Variants in BUB1B observed in about 807,000 individuals in gnomAD.
The protein encoded by BUB1B is BUB1 mitotic checkpoint serine/threonine kinase B, also known as mitotic checkpoint serine/threonine-protein kinase BUB1 beta.
Under a neutral mutation model 137.7 loss-of-function variants are expected in BUB1B, and 86 were observed. That is an observed-to-expected ratio of 0.62 (90% confidence interval 0.52 to 0.75). BUB1B has a LOEUF of 0.75. BUB1B is among the 30% of genes least tolerant of loss of function. The pLI is 0.00. For missense variants in BUB1B, 1,130 were observed against 1,236.9 expected (o/e 0.91, Z 1.30); for synonymous variants, 420 against 417.9 (o/e 1.00, Z -0.06).
intron 8 of BUB1B, among the ~76,000 whole-genome samples, chr15:40,191,925 G>A (rs537937083): frequency 8.0e-4 from 122 of 152,130 alleles, no homozygotes; most frequent in African/African-American, 2.9e-3. Context: ...AATTGAGAAG[G>A]ATGAATCCAA....
rs1416925362 is a variant in BUB1B at position 40,209,405 on chromosome 15, C to G, written c.2144-230C>G. ...CGCCACTGCACTCCAGCCTGGGCAA[C>G]AGAGCGAGACTCCGTCTCAAAGAAG... On this transcript the variant is annotated intron_variant, in intron 16 of 22. Coordinates refer to ENST00000287598, the MANE Select transcript of BUB1B (RefSeq NM_001211.6). 1.3e-5 allele frequency among the ~76,000 whole-genome samples: 2 copies of G among 152,246 alleles called. 1 individual carries two copies. Among genetic ancestry groups the G allele is most frequent in the South Asian group, 4.1e-4 (2 of 4,834 alleles).
chr15:40,161,191 C>T lies in BUB1B; in HGVS notation c.-30C>T. Reference sequence around the variant, plus strand: ...TGTGGCCCAGAGGAAAGGCCTGCAGCAGGACGAGGACCTGAGCCAGGAATG... The same window carrying T: ...TGTGGCCCAGAGGAAAGGCCTGCAGTAGGACGAGGACCTGAGCCAGGAATG... On this transcript the variant is annotated 5_prime_UTR_variant, in exon 1 of 23. Transcript: ENST00000287598. 1 of 1,611,866 alleles carries T rather than the reference C, an allele frequency of 6.2e-7. No homozygotes were observed. Among genetic ancestry groups the T allele is most frequent in the Non-Finnish European group, 8.5e-7 (1 of 1,178,944 alleles).
chr15:40,178,806 T>C (rs1221563203), intron 5 of BUB1B, among the ~76,000 whole-genome samples: 1 of 152,122 alleles, frequency 6.6e-6, no homozygotes, highest in Non-Finnish European at 1.5e-5. Context: ...ATACTCCTTA[T>C]TCAGAAGTCT....
chr15:40,213,286 C>T (rs775194264), intron 19 of BUB1B, 46 bp from the exon 20 acceptor site: 1 of 1,606,936 alleles, frequency 6.2e-7, no homozygotes, highest in Non-Finnish European at 8.5e-7. Context: ...TAACTACGAT[C>T]TGCCAAACTT....
intron 9 of BUB1B, among the ~76,000 whole-genome samples, chr15:40,199,386 A>G (rs1191859611): frequency 6.6e-6 from 1 of 152,240 alleles, no homozygotes; most frequent in Non-Finnish European, 1.5e-5. Context: ...GTAGGTATTC[A>G]ATGTTTTTTT....
intron 1 of BUB1B, 113 bp downstream of exon 1, chr15:40,161,368 C>G: frequency 8.2e-7 from 1 of 1,226,132 alleles, no homozygotes; most frequent in Non-Finnish European, 1.1e-6. Context: ...TCAGAACAGA[C>G]CCCACCGGAG....
Position 40,218,503 on chromosome 15 carries a change from G to C in BUB1B, c.2898G>C (p.Lys966Asn). 6.2e-7 allele frequency: 1 copy of C among 1,614,086 alleles called. No homozygotes were observed. Among genetic ancestry groups the C allele is most frequent in the East Asian group, 2.2e-5 (1 of 44,868 alleles). Residue 966 changes from lysine to asparagine, a missense_variant, in exon 22 of 23, where the codon AAG (lysine) becomes AAC (asparagine). Coordinates refer to ENST00000287598, the MANE Select transcript of BUB1B (RefSeq NM_001211.6). ...ATTTAGCACATTTACTATTGTTCAA[G>C]GAACACCTACAGGTCTTCTGGGATG... The part of the protein sequence containing the change: ...IADLAHLLLF[K>N]EHLQVFWDGS...
chr15:40,172,136 GAAAT>G (rs1000930517), intron 4 of BUB1B, among the ~76,000 whole-genome samples: 12 of 150,100 alleles, frequency 8.0e-5, no homozygotes, highest in African/African-American at 2.7e-4. Context: ...AATAAAGTAA[GAAAT>G]AAATTTCTTA....
At chr15:40,208,149 AT>A (rs1203709026) in intron 15 of BUB1B, among the ~76,000 whole-genome samples, 6 of 151,190 alleles carry the variant, frequency 4.0e-5, no homozygotes, top group African/African-American at 9.8e-5. Flanking sequence ...AAAAAAAAAA[AT>A]GAGGCTATCA....
chr15:40,199,835 G>A, intron 10 of BUB1B, 108 bp downstream of exon 10: 1 of 900,838 alleles, frequency 1.1e-6, no homozygotes, highest in Non-Finnish European at 1.8e-6. Context: ...AGAGTTTCTG[G>A]TAGTTTCTTA....
chr15:40,202,521 A>G, intron 13 of BUB1B, 56 bp downstream of exon 13: 2 of 1,593,940 alleles, frequency 1.3e-6, no homozygotes, highest in Middle Eastern at 1.7e-4. Flanking sequence ...TTCTGTTATT[A>G]TAAGTGAGGA....
chr15:40,180,142 T>C (rs999582901), intron 5 of BUB1B, among the ~76,000 whole-genome samples: 4 of 151,796 alleles, frequency 2.6e-5, no homozygotes, highest in Non-Finnish European at 5.9e-5. Context: ...AGCAGGTCCG[T>C]TGTCAATTAA....
chr15:40,211,242 T>C (rs1420544486), intron 18 of BUB1B, among the ~76,000 whole-genome samples: 1 of 152,180 alleles, frequency 6.6e-6, no homozygotes, highest in South Asian at 2.1e-4. Flanking sequence ...TTTAAAATTT[T>C]TTACCCCTTT....
At chr15:40,169,145 C>G (rs1053729103) in intron 2 of BUB1B, among the ~76,000 whole-genome samples, 2 of 152,202 alleles carry the variant, frequency 1.3e-5, no homozygotes, top group Non-Finnish European at 2.9e-5. Flanking sequence ...TCTATTCTAA[C>G]TGGTCAGTCT....
rs1422762167 is a variant in BUB1B, at chr15:40,189,394, A to C, written c.1058+3752A>C. ...AGGCTGGTCTCAAACTCCTGACCTC[A>C]AGTGGTCCGCCCACCTCGGCTTCCC... On this transcript the variant is annotated intron_variant, in intron 8 of 22. Transcript: ENST00000287598. 2.0e-5 allele frequency among the ~76,000 whole-genome samples: 3 copies of C among 152,182 alleles called. No individual in the cohort carries two copies. In the East Asian group the frequency reaches 5.8e-4, roughly 29 times the overall value.
At chr15:40,190,760 G>T (rs1341805361) in intron 8 of BUB1B, among the ~76,000 whole-genome samples, 1 of 152,228 alleles carries the variant, frequency 6.6e-6, no homozygotes, top group African/African-American at 2.4e-5. Flanking sequence ...TGCTGGGACA[G>T]CTGATCTGAT....
chr15:40,183,222 T>C (rs1470001225), intron 5 of BUB1B, among the ~76,000 whole-genome samples: 3 of 152,196 alleles, frequency 2.0e-5, no homozygotes, highest in Non-Finnish European at 4.4e-5. Flanking sequence ...TAAAGTACAA[T>C]GTCATGTCAT....
At chr15:40,187,767 A>G (rs2037385730) in intron 8 of BUB1B, among the ~76,000 whole-genome samples, 1 of 151,582 alleles carries the variant, frequency 6.6e-6, no homozygotes. Context: ...AAATTAGCCA[A>G]GTGCAGTGGC....
rs766567453 is a variant in BUB1B at position 40,200,921 on chromosome 15, TTC to T, written c.1518-8_1518-7del. ...ATTGAGCACATGATTTAAAACAAGT[TTC>T]TTTACAGAGAAACTTCACTTGCGGA... On this transcript the variant is annotated splice_region_variant and splice_polypyrimidine_tract_variant and intron_variant, in intron 11 of 22. Transcript: ENST00000287598. 6.2e-7 allele frequency: 1 copy of T among 1,613,138 alleles called. No individual in the cohort carries two copies. The highest frequency in any genetic ancestry group is 8.5e-7 in the Non-Finnish European group (1 of 1,179,348).
Sources: gnomAD v4.1 joint callset for allele counts (sites outside exome capture counted in the v4.1 genomes callset) on GRCh38, gnomAD v4.1.1 for gene constraint, MANE v1.5 for transcripts, NCBI Gene and HGNC (gene_info 2026-07-23, HGNC 2026-07-21) for gene names.